Variants in KIF14 observed in about 807,000 individuals in gnomAD.
KIF14 encodes the protein kinesin-like protein KIF14.
Under a neutral mutation model 176.2 loss-of-function variants are expected in KIF14, and 98 were observed. The ratio of observed to expected loss-of-function variants is 0.56; its 90% CI spans 0.47 to 0.66. KIF14 has a LOEUF of 0.66. Among genes scored for constraint, KIF14 ranks in the 30% least tolerant of loss-of-function variants. The pLI is 0.00. For missense variants in KIF14, 1,751 were observed against 1,920.4 expected (o/e 0.91, Z 1.65); for synonymous variants, 566 against 632.2 (o/e 0.90, Z 1.57).
Position 200,553,592 on chromosome 1 carries a change from A to G in KIF14, c.4743T>C (p.Cys1581=), listed in dbSNP as rs1656670204. The part of the protein sequence containing the change: ...LESLAKSLLF[C]FESEESPDLL... Reference sequence around the variant, plus strand: ...AATCAGGGCTTTCTTCAGATTCAAAACAAAAGAGGAGAGACTTAGCTAGAG... The same window carrying G: ...AATCAGGGCTTTCTTCAGATTCAAAGCAAAAGAGGAGAGACTTAGCTAGAG... Residue 1581 remains cysteine (C), a synonymous_variant, in exon 30 of 30, where the codon TGT becomes TGC. Transcript: ENST00000367350. The G allele has an allele frequency of 6.2e-6, 10 of 1,613,974 alleles. No homozygotes were observed. The highest frequency in any genetic ancestry group is 1.3e-5 in the African/African-American group (1 of 74,900).
Position 200,565,103 on chromosome 1 carries a change from T to C in KIF14, c.4037A>G (p.Lys1346Arg), listed in dbSNP as rs777604440. ...RLEDELRQEVKKLGGYLQLFL... is the reference protein window; with the variant it reads ...RLEDELRQEVRKLGGYLQLFL... ...TAACTGTAAGTAGCCTCCCAGTTTT[T>C]TAACTTCTTGTCTCAACTCATCCTC... is the stretch of plus-strand genomic sequence containing the variant. The change falls in exon 25 of 30, where the codon AAA becomes AGA. Residue 1346 changes from lysine (K) to arginine (R), a missense_variant. Lys to Arg is a conservative substitution (Grantham distance 26). Coordinates refer to ENST00000367350, the MANE Select transcript of KIF14 (RefSeq NM_014875.3). 6.2e-7 allele frequency: 1 copy of C among 1,611,444 alleles called. No homozygotes were observed. The highest frequency in any genetic ancestry group is 8.5e-7 in the Non-Finnish European group (1 of 1,179,308).
At chr1:200,596,884 CTCTCTT>C (rs1659373220) in intron 14 of KIF14, among the ~76,000 whole-genome samples, 1 of 138,382 alleles carries the variant, frequency 7.2e-6, no homozygotes, top group African/African-American at 2.8e-5. Flanking sequence ...ATCTCTCTCT[CTCTCTT>C]TTTTTTTTTT....
chr1:200,613,412 C>T (rs1490040694), intron 4 of KIF14, among the ~76,000 whole-genome samples: 1 of 152,180 alleles, frequency 6.6e-6, no homozygotes, highest in Admixed American at 6.5e-5. Flanking sequence ...ATGTCTCCCT[C>T]CAACTTTATA....
intron 23 of KIF14, among the ~76,000 whole-genome samples, chr1:200,566,995 T>C (rs1657491642): frequency 6.6e-6 from 1 of 150,780 alleles, no homozygotes; most frequent in Non-Finnish European, 1.5e-5. Flanking sequence ...GCCAACACGG[T>C]GAAACCCCGT....
chr1:200,577,592 T>G (rs1243872391), intron 21 of KIF14, among the ~76,000 whole-genome samples: 1 of 151,776 alleles, frequency 6.6e-6, no homozygotes, highest in Non-Finnish European at 1.5e-5. Context: ...GTCAGGAGAT[T>G]GAGACCGCTG....
At chr1:200,600,023 A>G in intron 13 of KIF14, 27 bp downstream of exon 13, 1 of 1,320,770 alleles carries the variant, frequency 7.6e-7, no homozygotes, top group Non-Finnish European at 1.1e-6. Flanking sequence ...TTTATTTTCT[A>G]ATCAGTTTAG....
rs114625312 is a variant in KIF14, at chr1:200,615,347, C to T, written c.1367+8G>A. ...CTTCTGGATAATTGCATTTCCAATA[C>T]AACTTACGTATATGATTTTCCAGAG... On this transcript the variant is annotated splice_region_variant and intron_variant, in intron 3 of 29. Transcript: ENST00000367350. 20,467 of 1,606,212 alleles carry T rather than the reference C, an allele frequency of 0.013. 151 individuals are homozygous for T. The highest frequency in any genetic ancestry group is 0.025 in the Middle Eastern group (150 of 5,990).
At chr1:200,569,163 G>A (rs1196638326) in intron 23 of KIF14, among the ~76,000 whole-genome samples, 1 of 152,000 alleles carries the variant, frequency 6.6e-6, no homozygotes. Flanking sequence ...GACCTCAGGT[G>A]ATTCACCCAC....
At chr1:200,562,692 A>T (rs2102581593) in intron 25 of KIF14, among the ~76,000 whole-genome samples, 1 of 152,236 alleles carries the variant, frequency 6.6e-6, no homozygotes, top group East Asian at 1.9e-4. Context: ...CTCTCTGGCC[A>T]ATCCTACCTT....
intron 19 of KIF14, among the ~76,000 whole-genome samples, chr1:200,583,584 A>G (rs979762345): frequency 1.3e-5 from 2 of 152,200 alleles, no homozygotes; most frequent in Admixed American, 6.5e-5. Flanking sequence ...ATAATAAAAA[A>G]GTTTATATTA....
At position 200,601,900 on chromosome 1, in the gene KIF14, A is replaced by G. The variant is rs367922682; in HGVS notation, c.2148T>C (p.Ile716=). 5.0e-5 allele frequency: 80 copies of G among 1,604,336 alleles called. No homozygotes were observed. In the Middle Eastern group the frequency reaches 8.3e-4, roughly 17 times the overall value. ...AAATTCTGAGAAAATATTCACCTCT[A>G]ATTAACTTAGCGTTCATATCTTCAT... ...KVNEDMNAKL[I]RELKAEIAKL... Residue 716 remains isoleucine (I), a synonymous_variant, in exon 11 of 30, where the codon ATT becomes ATC. Coordinates refer to ENST00000367350, the MANE Select transcript of KIF14 (RefSeq NM_014875.3).
chr1:200,605,933 G>A (rs773804338), intron 6 of KIF14, 39 bp from the exon 7 acceptor site: 1 of 1,218,840 alleles, frequency 8.2e-7, no homozygotes, highest in South Asian at 1.4e-5. Context: ...CAATTTTACT[G>A]ATGATTATAC....
intron 14 of KIF14, among the ~76,000 whole-genome samples, chr1:200,595,641 A>G (rs1051257213): frequency 6.6e-5 from 10 of 152,172 alleles, no homozygotes; most frequent in African/African-American, 2.2e-4. Context: ...ACAAAAGGAT[A>G]TGCCCTAACA....
chr1:200,562,455 C>A (rs1392388355), intron 25 of KIF14, among the ~76,000 whole-genome samples: 4 of 152,202 alleles, frequency 2.6e-5, no homozygotes, highest in Admixed American at 1.3e-4. Flanking sequence ...ACAGGAGACT[C>A]AAAAATTTAA....
Position 200,615,450 on chromosome 1 carries a change from A to G in KIF14, c.1272T>C (p.Tyr424=), listed in dbSNP as rs761324994. ...CTAGGAGTGGTGCTGCTAGCTTCTCATAGACAGTTGTCTGGCTAGCGTAGT... is the reference window on the plus strand; with the variant it reads ...CTAGGAGTGGTGCTGCTAGCTTCTCGTAGACAGTTGTCTGGCTAGCGTAGT... ...HPHYASQTTV[Y]EKLAAPLLER... The change falls in exon 3 of 30, where the codon TAT becomes TAC. Residue 424 remains tyrosine, a synonymous_variant. Transcript: ENST00000367350. 6.2e-7 allele frequency: 1 copy of G among 1,613,980 alleles called. No individual in the cohort carries two copies. The highest frequency in any genetic ancestry group is 1.3e-5 in the African/African-American group (1 of 74,928).
intron 23 of KIF14, among the ~76,000 whole-genome samples, chr1:200,566,331 G>A (rs2102595385): frequency 6.6e-6 from 1 of 150,636 alleles, no homozygotes; most frequent in Non-Finnish European, 1.5e-5. Flanking sequence ...GGTGGCTCAT[G>A]CCTGTAATCC....
rs535221460 is a variant in KIF14 at position 200,555,607 on chromosome 1, T to A, written c.4354-153A>T. On this transcript the variant is annotated intron_variant, in intron 27 of 29. Coordinates refer to ENST00000367350, the MANE Select transcript of KIF14 (RefSeq NM_014875.3). ...GGATTGCAATTAAATAGCTTGAGAG[T>A]ACTTAAATCATACATGTGAAATTTC... Among the ~76,000 whole-genome samples, 5 of 152,266 alleles carry A rather than the reference T, an allele frequency of 3.3e-5. No individual in the cohort carries two copies. The East Asian group carries it at 9.6e-4, about 29-fold the overall frequency.
chr1:200,605,817 G>A, intron 7 of KIF14, 47 bp downstream of exon 7: 2 of 1,156,746 alleles, frequency 1.7e-6, no homozygotes, highest in Non-Finnish European at 2.5e-6. Context: ...AAATATTTAG[G>A]ATTATGCTCT....
intron 23 of KIF14, among the ~76,000 whole-genome samples, chr1:200,566,385 G>A (rs553584396): frequency 3.1e-4 from 47 of 151,758 alleles, no homozygotes; most frequent in African/African-American, 1.1e-3. Flanking sequence ...GAGGTCAGGA[G>A]ATCGGGACCA....
Sources: allele counts gnomAD v4.1 joint callset (sites outside exome capture counted in the v4.1 genomes callset), GRCh38; gene constraint gnomAD v4.1.1; transcripts MANE v1.5; gene names NCBI Gene and HGNC (gene_info 2026-07-23, HGNC 2026-07-21).